The following PHACTR4 variants were observed in gnomAD, a reference collection of about 807,000 sequenced individuals.
PHACTR4 encodes the protein protein phosphatase 1, regulatory subunit 124.
A neutral mutation model predicts 72.7 loss-of-function variants in PHACTR4; 51 were observed. The ratio of observed to expected loss-of-function variants is 0.70; its 90% CI spans 0.56 to 0.89. The LOEUF (loss-of-function observed/expected upper bound fraction) is 0.89, where lower values mean the gene tolerates loss of function less well. Among genes scored for constraint, PHACTR4 ranks in the 40% least tolerant of loss-of-function variants. The probability of loss-of-function intolerance (pLI) is 0.00; values close to 1 mark genes in which losing one functional copy is unlikely to be tolerated. For missense variants in PHACTR4, 731 were observed against 861.8 expected, an observed-to-expected ratio of 0.85 and a Z score of 1.90; for synonymous variants, 255 against 302.5, an observed-to-expected ratio of 0.84 and a Z score of 1.63.
chr1:28,375,102 G>T (rs1651542664), intron 1 of PHACTR4, among the ~76,000 whole-genome samples: 1 of 151,982 alleles, frequency 6.6e-6, no homozygotes, highest in Non-Finnish European at 1.5e-5. Context: ...AGTTCGAGAC[G>T]AGCCTGGCCA....
Position 28,404,198 on chromosome 1 carries a change from C to G in PHACTR4, c.-38-3212C>G, listed in dbSNP as rs912616869. On this transcript the variant is annotated intron_variant, in intron 1 of 13. Transcript: ENST00000373839. ...CTTCTGACCTCAAGTGATCTGCCTG[C>G]CTTGTCCTCCCAAAGTGCTGGGATT... is the stretch of plus-strand genomic sequence containing the variant. Among the ~76,000 whole-genome samples, 20 of 151,744 alleles carry G rather than the reference C, an allele frequency of 1.3e-4. 1 individual carries two copies. Among genetic ancestry groups the G allele is most frequent in the Admixed American group, 9.2e-4 (14 of 15,224 alleles).
chr1:28,489,341 C>A, intron 10 of PHACTR4, 116 bp downstream of exon 10: 2 of 790,564 alleles, frequency 2.5e-6, no homozygotes, highest in Non-Finnish European at 2.0e-6. Flanking sequence ...AGTGTTCCAG[C>A]CAGGCAAGGA....
intron 2 of PHACTR4, among the ~76,000 whole-genome samples, chr1:28,411,560 G>A (rs749784354): frequency 1.2e-4 from 18 of 152,080 alleles, no homozygotes; most frequent in Non-Finnish European, 2.1e-4. Flanking sequence ...GGTGTACTCA[G>A]TGTCATTTGA....
intron 2 of PHACTR4, among the ~76,000 whole-genome samples, chr1:28,424,778 G>A (rs1210841538): frequency 2.0e-5 from 3 of 150,278 alleles, no homozygotes; most frequent in Non-Finnish European, 3.0e-5. Flanking sequence ...GTGAGCCACC[G>A]TGGCTGGCCT....
In PHACTR4 at chr1:28,405,611, A is replaced by G. The variant is rs1321386608; in HGVS notation, c.-38-1799A>G. Among the ~76,000 whole-genome samples the G allele has an allele frequency of 4.6e-5, 7 of 151,790 alleles. 1 individual carries two copies. Among genetic ancestry groups the G allele is most frequent in the African/African-American group, 1.7e-4 (7 of 41,340 alleles). On this transcript the variant is annotated intron_variant, in intron 1 of 13. Transcript: ENST00000373839. Reference sequence around the variant, plus strand: ...CAAAGTGCTGGGATTACAGGTGTGAACCACCACGCCTGGCCCCAAGTATGT... The same window carrying G: ...CAAAGTGCTGGGATTACAGGTGTGAGCCACCACGCCTGGCCCCAAGTATGT...
At position 28,499,773 on chromosome 1, in the gene PHACTR4, G is replaced by C. The variant is rs1185743374; in HGVS notation, c.*3224G>C. On this transcript the variant is annotated 3_prime_UTR_variant, in exon 14 of 14. Coordinates refer to ENST00000373839, the MANE Select transcript of PHACTR4 (RefSeq NM_001048183.3). ...TAGCAGGTGTGAGTCATCATGCCCA[G>C]CCTCCTTGAAGTTTACTAACAATTG... is the stretch of plus-strand genomic sequence containing the variant. 1 of 152,154 alleles carries C rather than the reference G, an allele frequency of 6.6e-6. No individual in the cohort carries two copies. The highest frequency in any genetic ancestry group is 1.5e-5 in the Non-Finnish European group (1 of 68,054). The allele number at this position is 152,154 out of a possible 1,614,324, so 9.4% of individuals were successfully genotyped here. A position where few individuals can be genotyped will look rare whatever the true frequency, so the allele number is the denominator to read the frequency against.
chr1:28,370,869 C>T (rs1651190697), intron 1 of PHACTR4, among the ~76,000 whole-genome samples: 2 of 151,882 alleles, frequency 1.3e-5, no homozygotes, highest in Admixed American at 1.3e-4. Context: ...GCAGGAGAAT[C>T]GCTTGAGGCC....
chr1:28,374,332 A>G (rs1033058933), intron 1 of PHACTR4, among the ~76,000 whole-genome samples: 1 of 152,222 alleles, frequency 6.6e-6, no homozygotes, highest in African/African-American at 2.4e-5. Flanking sequence ...TAGTCAGACC[A>G]TCGGGACTCA....
At position 28,474,152 on chromosome 1, in the gene PHACTR4, G is replaced by C; in HGVS notation, c.1421+1G>C. The C allele has an allele frequency of 6.2e-7, 1 of 1,601,810 alleles. No individual in the cohort carries two copies. The highest frequency in any genetic ancestry group is 8.5e-7 in the Non-Finnish European group (1 of 1,173,242). ...CCATCACTATTGAAATGCTAAAAGTGTAAGTGCCTTTAAAGCTTGCCTCTT... is the reference window on the plus strand; with the variant it reads ...CCATCACTATTGAAATGCTAAAAGTCTAAGTGCCTTTAAAGCTTGCCTCTT... On this transcript the variant is annotated splice_donor_variant, in intron 7 of 13. Coordinates refer to ENST00000373839, the MANE Select transcript of PHACTR4 (RefSeq NM_001048183.3). LOFTEE classifies it high-confidence loss of function.
At chr1:28,407,519 C>T in intron 2 of PHACTR4, 56 bp downstream of exon 2, 2 of 1,483,972 alleles carry the variant, frequency 1.3e-6, no homozygotes, top group Admixed American at 1.8e-5. Flanking sequence ...ATCCTCACCT[C>T]CATTAAAGCT....
At chr1:28,495,324 T>G (rs898060125) in intron 13 of PHACTR4, among the ~76,000 whole-genome samples, 1 of 152,062 alleles carries the variant, frequency 6.6e-6, no homozygotes. Flanking sequence ...CCCAGGCTGG[T>G]CTTGAATTCC....
At chr1:28,425,658 C>T (rs1031096922) in intron 2 of PHACTR4, among the ~76,000 whole-genome samples, 2 of 152,246 alleles carry the variant, frequency 1.3e-5, no homozygotes, top group Admixed American at 6.5e-5. Context: ...AATGTTATAG[C>T]TAGCTGTCAT....
intron 1 of PHACTR4, among the ~76,000 whole-genome samples, chr1:28,387,885 G>C (rs1440851926): frequency 6.6e-6 from 1 of 151,972 alleles, no homozygotes; most frequent in Non-Finnish European, 1.5e-5. Context: ...ACGCCACCAC[G>C]CCTGGCTAAT....
chr1:28,377,482 C>T (rs755228717), intron 1 of PHACTR4, among the ~76,000 whole-genome samples: 51 of 151,764 alleles, frequency 3.4e-4, no homozygotes, highest in Middle Eastern at 3.4e-3. Flanking sequence ...TCAAGTGATC[C>T]GCCCGCCTCA....
At chr1:28,438,678 G>A (rs1279135398) in intron 2 of PHACTR4, among the ~76,000 whole-genome samples, 2 of 152,216 alleles carry the variant, frequency 1.3e-5, no homozygotes, top group East Asian at 3.9e-4. Flanking sequence ...TGTTTTACTT[G>A]ATCTCTTTGA....
chr1:28,426,533 G>T (rs993151624), intron 2 of PHACTR4, among the ~76,000 whole-genome samples: 1 of 151,084 alleles, frequency 6.6e-6, no homozygotes, highest in African/African-American at 2.4e-5. Flanking sequence ...GCGTGGTGGT[G>T]GGCGCCTGTA....
intron 4 of PHACTR4, among the ~76,000 whole-genome samples, chr1:28,461,885 G>C (rs977073390): frequency 1.3e-5 from 2 of 150,458 alleles, no homozygotes; most frequent in African/African-American, 4.9e-5. Context: ...CTAGTTATGA[G>C]CATATATAAC....
chr1:28,479,705 C>CG (rs1660155976), intron 8 of PHACTR4, among the ~76,000 whole-genome samples: 1 of 151,418 alleles, frequency 6.6e-6, no homozygotes, highest in African/African-American at 2.4e-5. Flanking sequence ...GCCAACATAA[C>CG]GAAACCCGAA....
Position 28,480,504 on chromosome 1 carries a change from C to T in PHACTR4, c.1660C>T (p.His554Tyr). The change falls in exon 9 of 14, where the codon CAC (histidine) becomes TAC (tyrosine). Residue 554 changes from histidine (H) to tyrosine (Y), a missense_variant. By Grantham distance (83) the His-to-Tyr change is moderately conservative. Transcript: ENST00000373839. ...RKDTLAMKLN[H>Y]RPSEPELNLN... is the part of the protein sequence containing the mutation. ...AGACACACTGGCAATGAAGTTGAAC[C>T]ACAGACCCAGTGAACCAGAGTTGAA... is the stretch of plus-strand genomic sequence containing the variant. The T allele has an allele frequency of 4.3e-6, 7 of 1,614,108 alleles. No homozygotes were observed. Among genetic ancestry groups the T allele is most frequent in the Non-Finnish European group, 5.9e-6 (7 of 1,180,022 alleles).
Sources: allele counts gnomAD v4.1 joint callset (sites outside exome capture counted in the v4.1 genomes callset), GRCh38; gene constraint gnomAD v4.1.1; transcripts MANE v1.5; gene names NCBI Gene and HGNC (gene_info 2026-07-23, HGNC 2026-07-21).